Variants in ACSM3 observed in about 807,000 individuals in gnomAD.
ACSM3 encodes acyl-CoA synthetase medium chain family member 3.
In ACSM3, 61 loss-of-function variants were observed where a neutral mutation model predicts 74.1. The ratio of observed to expected loss-of-function variants is 0.82; its 90% CI spans 0.67 to 1.02. ACSM3 has a LOEUF of 1.02. Among genes scored for constraint, ACSM3 ranks in the 50% least tolerant of loss-of-function variants. The pLI, the probability that ACSM3 is intolerant of heterozygous loss-of-function variation, is 0.00. For missense variants in ACSM3, 660 were observed against 697.0 expected (o/e 0.95, Z 0.60); for synonymous variants, 213 against 241.5 (o/e 0.88, Z 1.09).
At chr16:20,755,126 G>C (rs1300877702) in intron 2 of ACSM3, among the ~76,000 whole-genome samples, 3 of 152,166 alleles carry the variant, frequency 2.0e-5, no homozygotes, top group African/African-American at 7.2e-5. Flanking sequence ...AAAGAACCTA[G>C]ATGTCTATAT....
At chr16:20,788,920 T>C (rs1845480283) in intron 9 of ACSM3, among the ~76,000 whole-genome samples, 1 of 152,226 alleles carries the variant, frequency 6.6e-6, no homozygotes, top group Admixed American at 6.5e-5. Flanking sequence ...TAGAATTCCT[T>C]TGCCATTTAA....
chr16:20,770,792 A>G (rs1293709765), intron 2 of ACSM3, among the ~76,000 whole-genome samples: 1 of 152,148 alleles, frequency 6.6e-6, no homozygotes, highest in African/African-American at 2.4e-5. Flanking sequence ...ATGGGGTACA[A>G]AGATATTTTT....
intron 1 of ACSM3, among the ~76,000 whole-genome samples, chr16:20,717,981 G>C (rs1220262485): frequency 7.6e-6 from 1 of 130,838 alleles, no homozygotes; most frequent in African/African-American, 2.8e-5. Context: ...AGAAGAAGAA[G>C]AAGAAGAAGA....
intron 1 of ACSM3, among the ~76,000 whole-genome samples, chr16:20,688,850 C>T (rs2079601321): frequency 6.6e-6 from 1 of 151,680 alleles, no homozygotes; most frequent in South Asian, 2.1e-4. Flanking sequence ...AATATAAATT[C>T]ATGGACAAAT....
In ACSM3 at chr16:20,719,785, C is replaced by T. The variant is rs1026478069; in HGVS notation, c.-189-30125C>T. 7.2e-5 allele frequency among the ~76,000 whole-genome samples: 11 copies of T among 152,168 alleles called. 1 individual carries two copies. In the South Asian group the frequency reaches 1.0e-3, roughly 14 times the overall value. Reference sequence around the variant, plus strand: ...TTGTGCAGAGCAGAGATTAAAAGTGCGGGCACCTTTGCCCAGAGCAGCTCC... The same window carrying T: ...TTGTGCAGAGCAGAGATTAAAAGTGTGGGCACCTTTGCCCAGAGCAGCTCC... On this transcript the variant is annotated intron_variant, in intron 1 of 3. Coordinates refer to the ACSM3 transcript ENST00000561584.
At chr16:20,751,216 C>T (rs1288321141) in intron 2 of ACSM3, among the ~76,000 whole-genome samples, 1 of 152,124 alleles carries the variant, frequency 6.6e-6, no homozygotes, top group African/African-American at 2.4e-5. Context: ...TTCTGTATTT[C>T]TGCTAGAACA....
At chr16:20,771,528 C>T (rs541308928) in intron 2 of ACSM3, among the ~76,000 whole-genome samples, 38 of 152,082 alleles carry the variant, frequency 2.5e-4, no homozygotes, top group African/African-American at 9.2e-4. Context: ...AACATAATGT[C>T]CTCCAAGTTC....
chr16:20,725,927 C>T (rs542354937), intron 1 of ACSM3, among the ~76,000 whole-genome samples: 3 of 152,108 alleles, frequency 2.0e-5, no homozygotes, highest in African/African-American at 4.8e-5. Flanking sequence ...GAGCCAAGAT[C>T]GCGCCACTGC....
chr16:20,713,385 A>G lies in ACSM3; in HGVS notation c.-189-36525A>G, dbSNP rs1165300624. Among the ~76,000 whole-genome samples the G allele has an allele frequency of 3.3e-5, 5 of 152,234 alleles. No homozygotes were observed. In the East Asian group the frequency reaches 7.7e-4, roughly 23 times the overall value. On this transcript the variant is annotated intron_variant, in intron 1 of 3. Transcript: ENST00000561584. ...GAATATACATCTCCATTAGTAAAAT[A>G]CTTTTTAACATACCCCCCCATACAT...
chr16:20,728,397 G>T, intron 1 of ACSM3: 1 of 1,442,030 alleles, frequency 6.9e-7, no homozygotes, highest in Non-Finnish European at 9.6e-7. Context: ...GATTATAGAT[G>T]AAAATGGCAA....
At chr16:20,717,963 GAAGA>G in intron 1 of ACSM3, among the ~76,000 whole-genome samples, 1 of 93,676 alleles carries the variant, frequency 1.1e-5, no homozygotes, top group East Asian at 3.5e-4. Context: ...AGAGGAAGAA[GAAGA>G]AGAAGAAGAA....
At chr16:20,747,297 A>G (rs1257255961) in intron 1 of ACSM3, among the ~76,000 whole-genome samples, 3 of 152,104 alleles carry the variant, frequency 2.0e-5, no homozygotes, top group African/African-American at 7.2e-5. Flanking sequence ...TATTTTGCAA[A>G]GTTTTATAAG....
chr16:20,737,341 G>A (rs2152417293), intron 1 of ACSM3: 1 of 1,512,274 alleles, frequency 6.6e-7, no homozygotes, highest in Admixed American at 2.2e-5. Context: ...ACATCTGATA[G>A]ATACAAAAAA....
chr16:20,719,754 T>A (rs1411036105), intron 1 of ACSM3, among the ~76,000 whole-genome samples: 2 of 152,198 alleles, frequency 1.3e-5, no homozygotes, highest in Non-Finnish European at 2.9e-5. Flanking sequence ...TGATAAACCA[T>A]GACTCTTGTG....
chr16:20,694,927 G>A (rs1345054295), intron 1 of ACSM3, among the ~76,000 whole-genome samples: 2 of 152,118 alleles, frequency 1.3e-5, no homozygotes, highest in Non-Finnish European at 2.9e-5. Flanking sequence ...CAAGGAAAAA[G>A]ACCTCAGAGA....
At chr16:20,711,334 A>T (rs114390652) in intron 1 of ACSM3, 1 of 383,558 alleles carries the variant, frequency 2.6e-6, no homozygotes, top group Admixed American at 3.8e-5. Flanking sequence ...GTCTTGTACA[A>T]TATCATTGGA....
intron 1 of ACSM3, among the ~76,000 whole-genome samples, chr16:20,743,083 C>A (rs1016949321): frequency 6.6e-6 from 1 of 151,542 alleles, no homozygotes; most frequent in African/African-American, 2.4e-5. Context: ...GGACTACAGG[C>A]GCCCGCCACC....
At chr16:20,749,135 A>C (rs2079971021) in intron 1 of ACSM3, 1 of 152,076 alleles carries the variant, frequency 6.6e-6, no homozygotes. Context: ...TTTAAAGGGG[A>C]ATATCTATAT....
At chr16:20,726,955 T>C (rs2079808710) in intron 1 of ACSM3, among the ~76,000 whole-genome samples, 1 of 152,132 alleles carries the variant, frequency 6.6e-6, no homozygotes, top group Non-Finnish European at 1.5e-5. Context: ...AAAGTAGGGG[T>C]TGAGAGGAGT....
Sources: allele counts gnomAD v4.1 joint callset (sites outside exome capture counted in the v4.1 genomes callset), GRCh38; gene constraint gnomAD v4.1.1; transcripts MANE v1.5; gene names NCBI Gene and HGNC (gene_info 2026-07-23, HGNC 2026-07-21).